Variants in TUSC3 observed in about 807,000 individuals in gnomAD.
TUSC3 encodes dolichyl-diphosphooligosaccharide--protein glycosyltransferase subunit TUSC3.
Under a neutral mutation model 44.8 loss-of-function variants are expected in TUSC3, and 45 were observed. The observed-to-expected ratio is 1.00, with a 90% CI of 0.79 to 1.29. TUSC3 has a LOEUF of 1.29. Ranked by LOEUF, TUSC3 falls within the 50% of genes most tolerant of loss-of-function variation. The pLI is 0.00. For missense variants in TUSC3, 519 were observed against 437.9 expected (o/e 1.19, Z -1.65); for synonymous variants, 212 against 152.9 (o/e 1.39, Z -2.85).
chr8:15,510,581 C>T (rs1801119062), intron 2 of TUSC3, among the ~76,000 whole-genome samples: 1 of 152,078 alleles, frequency 6.6e-6, no homozygotes, highest in African/African-American at 2.4e-5. Context: ...TTTTAAATAT[C>T]AGTTTGTAGT....
At chr8:15,419,088 T>C (rs1215609263) in intron 1 of TUSC3, among the ~76,000 whole-genome samples, 1 of 152,206 alleles carries the variant, frequency 6.6e-6, no homozygotes, top group African/African-American at 2.4e-5. Flanking sequence ...CAATGATACA[T>C]TTCCCTCTCT....
chr8:15,668,187 T>C (rs1327962530), intron 5 of TUSC3, among the ~76,000 whole-genome samples: 2 of 151,772 alleles, frequency 1.3e-5, no homozygotes, highest in Non-Finnish European at 2.9e-5. Context: ...TTAGTAAATA[T>C]TTGTTGAGTG....
chr8:15,669,534 T>G (rs993818739), intron 5 of TUSC3, among the ~76,000 whole-genome samples: 4 of 151,758 alleles, frequency 2.6e-5, no homozygotes, highest in Non-Finnish European at 5.9e-5. Flanking sequence ...TGGTAATACA[T>G]TGTCAAGTTA....
intron 7 of TUSC3, chr8:15,733,579 G>T (rs773175412): frequency 4.4e-6 from 1 of 225,888 alleles, no homozygotes; most frequent in Non-Finnish European, 9.0e-6. Context: ...TTCACAAGCA[G>T]TGTGAATGTT....
chr8:15,462,716 G>A (rs1800361441), intron 1 of TUSC3, among the ~76,000 whole-genome samples: 1 of 152,070 alleles, frequency 6.6e-6, no homozygotes, highest in African/African-American at 2.4e-5. Flanking sequence ...TGGTGGTACT[G>A]ATATCTGTTT....
At chr8:15,625,942 G>A (rs1805488140) in intron 2 of TUSC3, among the ~76,000 whole-genome samples, 1 of 152,192 alleles carries the variant, frequency 6.6e-6, no homozygotes, top group Non-Finnish European at 1.5e-5. Flanking sequence ...TGTCAGAATT[G>A]GGCTAGCACA....
chr8:15,652,034 C>G (rs181039590), intron 3 of TUSC3, among the ~76,000 whole-genome samples: 2 of 152,176 alleles, frequency 1.3e-5, no homozygotes, highest in East Asian at 3.9e-4. Context: ...TAATGTGTAA[C>G]TAGAATTTGA....
chr8:15,722,855 G>A (rs1810356221), intron 6 of TUSC3, among the ~76,000 whole-genome samples: 1 of 151,786 alleles, frequency 6.6e-6, no homozygotes, highest in Non-Finnish European at 1.5e-5. Context: ...TCTTACTTGT[G>A]AGAAGTTTTC....
chr8:15,528,007 CA>C (rs1344866825), intron 2 of TUSC3, among the ~76,000 whole-genome samples: 47 of 152,244 alleles, frequency 3.1e-4, no homozygotes, highest in African/African-American at 1.1e-3. Context: ...GGTTTTAGCA[CA>C]GATAAATATT....
the TUSC3 span, among the ~76,000 whole-genome samples, chr8:15,791,642 A>T: frequency 6.6e-6 from 1 of 152,180 alleles, no homozygotes; most frequent in Non-Finnish European, 1.5e-5. Flanking sequence ...CAATGCTCAA[A>T]TACAAAACCA....
At chr8:15,592,094 A>G (rs1303411270) in intron 1 of TUSC3, among the ~76,000 whole-genome samples, 1 of 152,172 alleles carries the variant, frequency 6.6e-6, no homozygotes, top group Non-Finnish European at 1.5e-5. Flanking sequence ...GGACTTGGAG[A>G]TGTAGAAGAT....
chr8:15,524,036 C>T (rs1397235009), intron 2 of TUSC3, among the ~76,000 whole-genome samples: 2 of 137,554 alleles, frequency 1.5e-5, no homozygotes, highest in Non-Finnish European at 3.1e-5. Flanking sequence ...AGCTTGGCAA[C>T]AGACAGAGTG....
the TUSC3 span, among the ~76,000 whole-genome samples, chr8:15,810,271 G>A: frequency 6.6e-6 from 1 of 152,090 alleles, no homozygotes; most frequent in Non-Finnish European, 1.5e-5. Flanking sequence ...AAGAACCCCT[G>A]GCTTAGAGTA....
At chr8:15,526,194 G>T (rs553685388) in intron 2 of TUSC3, among the ~76,000 whole-genome samples, 22 of 151,964 alleles carry the variant, frequency 1.4e-4, no homozygotes, top group Non-Finnish European at 2.8e-4. Flanking sequence ...CATCACGGCC[G>T]GCTAATTTTT....
At chr8:15,733,513 A>G in intron 7 of TUSC3, 1 of 285,068 alleles carries the variant, frequency 3.5e-6, no homozygotes, top group South Asian at 3.0e-5. Context: ...GGAATTCTCC[A>G]AGGTTTAATT....
rs1335273080 is a variant in TUSC3 at position 15,504,607 on chromosome 8, ATATATATATATATATT to A, written n.189+21126_189+21141del. ...TATATATATATATATATATATATAT[ATATATATATATATATT>A]TTTTTTTTTTTTTTTTTTTAAGTGG... On this transcript the variant is annotated intron_variant and non_coding_transcript_variant, in intron 2 of 5. Transcript: ENST00000503191. Among the ~76,000 whole-genome samples the A allele has an allele frequency of 3.1e-3, 78 of 25,064 alleles. 1 individual carries two copies. The highest frequency in any genetic ancestry group is 0.015 in the South Asian group (9 of 606). The allele number at this position is 25,064 out of a possible 152,430, so 16.4% of individuals were successfully genotyped here. A position where few individuals can be genotyped will look rare whatever the true frequency, so the allele number is the denominator to read the frequency against.
intron 2 of TUSC3, among the ~76,000 whole-genome samples, chr8:15,485,548 T>C (rs1013377364): frequency 2.0e-5 from 3 of 150,330 alleles, no homozygotes; most frequent in East Asian, 2.0e-4. Flanking sequence ...CTCCTCCTCA[T>C]TGGGCCTACA....
the TUSC3 span, among the ~76,000 whole-genome samples, chr8:15,818,474 T>G: frequency 6.6e-6 from 1 of 152,232 alleles, no homozygotes; most frequent in Admixed American, 6.5e-5. Context: ...TTCTTAGATC[T>G]GTTGATTGTA....
intron 4 of TUSC3, 134 bp downstream of exon 4, chr8:15,659,781 T>C (rs1759261300): frequency 2.6e-6 from 3 of 1,140,354 alleles, no homozygotes; most frequent in Non-Finnish European, 3.9e-6. Context: ...ACTGTTCGAT[T>C]ACTGCAAATG....
Sources: gnomAD v4.1 joint callset for allele counts (sites outside exome capture counted in the v4.1 genomes callset) on GRCh38, gnomAD v4.1.1 for gene constraint, MANE v1.5 for transcripts, NCBI Gene and HGNC (gene_info 2026-07-23, HGNC 2026-07-21) for gene names.